SLC25A39: variants seen among roughly 807,000 people sequenced by gnomAD.
SLC25A39 encodes solute carrier family 25 member 39.
Under a neutral mutation model 46.6 loss-of-function variants are expected in SLC25A39, and 44 were observed. That is an observed-to-expected ratio of 0.94 (90% CI 0.74 to 1.21). SLC25A39 has a LOEUF of 1.21. Among genes scored for constraint, SLC25A39 ranks in the 50% most tolerant of loss-of-function variants. The pLI is 0.00. For synonymous variants in SLC25A39, 218 were observed against 190.6 expected (o/e 1.14, Z -1.19); for missense variants, 487 against 473.0 (o/e 1.03, Z -0.28).
intron 9 of SLC25A39, 34 bp from the exon 10 acceptor site, chr17:44,320,470 A>G (rs963708401): frequency 1.2e-6 from 2 of 1,609,990 alleles, no homozygotes; most frequent in African/African-American, 1.3e-5. Context: ...GCTCAGCTCC[A>G]CTTCCTGGAC....
At position 44,320,139 on chromosome 17, in the gene SLC25A39, G is replaced by A. The variant is rs1598338797; in HGVS notation, c.965-23C>T. ...AGCCTGCAGTGGAAAGGAGGCCCGT[G>A]TCAGGGGTCAGGTCGCAGGTCCGCC... On this transcript the variant is annotated intron_variant, in intron 11 of 11. Transcript: ENST00000377095. 4.2e-5 allele frequency: 67 copies of A among 1,613,946 alleles called. 1 individual carries two copies. In the East Asian group the frequency reaches 1.4e-3, roughly 33 times the overall value.
In SLC25A39 at chr17:44,321,085, T is replaced by G; in HGVS notation, c.664A>C (p.Thr222Pro). 1 of 1,608,256 alleles carries G rather than the reference T, an allele frequency of 6.2e-7. No homozygotes were observed. Among genetic ancestry groups the G allele is most frequent in the Non-Finnish European group, 8.5e-7 (1 of 1,178,052 alleles). The change falls in exon 8 of 12, where the codon ACT becomes CCT. Residue 222 changes from threonine to proline, a missense_variant. Coordinates refer to ENST00000377095, the MANE Select transcript of SLC25A39 (RefSeq NM_001143780.3). The stretch of plus-strand genomic sequence containing the variant: ...GAGAAGGGCACATCTCGAAGGGCAG[T>G]GGGGCCCCAGCCCAGCCACAGTGAG... ...WRSLWLGWGP[T>P]ALRDVPFSAL... is the part of the protein sequence containing the mutation.
intron 8 of SLC25A39, 93 bp downstream of exon 8, chr17:44,320,965 T>A: frequency 7.1e-7 from 1 of 1,401,728 alleles, no homozygotes; most frequent in Non-Finnish European, 9.5e-7. Flanking sequence ...AGTAACTTCA[T>A]GGTCACTAGT....
chr17:44,323,780 TAC>T, intron 1 of SLC25A39: 1 of 581,312 alleles, frequency 1.7e-6, no homozygotes, highest in Admixed American at 3.1e-5. Context: ...TAGCTGGGAC[TAC>T]AGGCGCGCAC....
chr17:44,320,956 G>T (rs1476464741), intron 8 of SLC25A39, 102 bp downstream of exon 8: 2 of 1,366,150 alleles, frequency 1.5e-6, no homozygotes, highest in Non-Finnish European at 2.0e-6. Flanking sequence ...GAAAAGCTAA[G>T]TAACTTCATG....
chr17:44,322,806 A>C lies in SLC25A39; in HGVS notation c.190+2T>G. The C allele has an allele frequency of 6.2e-7, 1 of 1,613,962 alleles. No individual in the cohort carries two copies. ...ATGCTCCCTGTGGCTTGGGGCACTC[A>C]CATTTGGTATAGGAGAGGCTCCACA... is the stretch of plus-strand genomic sequence containing the variant. On this transcript the variant is annotated splice_donor_variant, in intron 4 of 11. Transcript: ENST00000377095. LOFTEE classifies it high-confidence loss of function.
At chr17:44,320,141 C>T (rs2047971799) in intron 11 of SLC25A39, 25 bp from the exon 12 acceptor site, 1 of 1,614,004 alleles carries the variant, frequency 6.2e-7, no homozygotes, top group Non-Finnish European at 8.5e-7. Context: ...AGGCCCGTGT[C>T]AGGGGTCAGG....
chr17:44,320,767 G>GTT, intron 8 of SLC25A39, 36 bp from the exon 9 acceptor site: 6 of 1,534,956 alleles, frequency 3.9e-6, no homozygotes, highest in Non-Finnish European at 5.4e-6. Flanking sequence ...GAGACGGGAA[G>GTT]GGCAAGGAAG....
rs371116429 is a variant in SLC25A39, at chr17:44,319,976, C to T, written c.*25G>A. ...GCCCTCTCCCCATCCGTGGGAGAGA[C>T]GGGGTCCTTGCCTCCTTGCCCCTTT... is the stretch of plus-strand genomic sequence containing the variant. On this transcript the variant is annotated 3_prime_UTR_variant, in exon 12 of 12. Transcript: ENST00000377095. 1.7e-5 allele frequency: 27 copies of T among 1,608,490 alleles called. No individual in the cohort carries two copies. Among genetic ancestry groups the T allele is most frequent in the South Asian group, 5.5e-5 (5 of 90,952 alleles).
Position 44,323,287 on chromosome 17 carries a change from T to TG in SLC25A39, c.141dup (p.Ser48GlnfsTer99), listed in dbSNP as rs778710798. On this transcript the variant is annotated frameshift_variant, in exon 3 of 12. Transcript: ENST00000377095. LOFTEE classifies it high-confidence loss of function. ...TAGTTCCAGGTCAGGTACTCACCGC[T>TG]GGCCATGGAGGGCCGCTGAGACTGC... The TG allele has an allele frequency of 1.9e-6, 3 of 1,613,876 alleles. No individual in the cohort carries two copies. Among genetic ancestry groups the TG allele is most frequent in the Non-Finnish European group, 2.5e-6 (3 of 1,179,968 alleles).
Position 44,321,038 on chromosome 17 carries a change from C to A in SLC25A39, c.691+20G>T, listed in dbSNP as rs1175688349. On this transcript the variant is annotated intron_variant, in intron 8 of 11. Transcript: ENST00000377095. ...CACCCCAGGGTTCCCTCACCCACCC[C>A]CTGCAGCTTGGGTGCCTACCTGAGA... 4 of 1,567,348 alleles carry A rather than the reference C, an allele frequency of 2.6e-6. No homozygotes were observed. Among genetic ancestry groups the A allele is most frequent in the Non-Finnish European group, 3.5e-6 (4 of 1,158,788 alleles).
rs746578794 is a variant in SLC25A39 at position 44,321,609 on chromosome 17, T to C, written c.393-51A>G. ...GGGACTCCCAAAAGGACCCAAACTT[T>C]TAAAGCATCACCTGCCCCACCTAGC... On this transcript the variant is annotated intron_variant, in intron 6 of 11. Coordinates refer to ENST00000377095, the MANE Select transcript of SLC25A39 (RefSeq NM_001143780.3). The C allele has an allele frequency of 3.1e-6, 5 of 1,609,974 alleles. No homozygotes were observed. In the East Asian group the frequency reaches 8.9e-5, roughly 29 times the overall value.
In SLC25A39 at chr17:44,323,354, A is replaced by C; in HGVS notation, c.86-11T>G. The C allele has an allele frequency of 6.2e-7, 1 of 1,609,050 alleles. No homozygotes were observed. The highest frequency in any genetic ancestry group is 1.1e-5 in the South Asian group (1 of 90,508). The stretch of plus-strand genomic sequence containing the variant: ...CGTCCAGGGGTGTCACTGGGGGAGG[A>C]AGCGGGTCTGAAGGCTCCTTTCAGG... On this transcript the variant is annotated splice_polypyrimidine_tract_variant and intron_variant, in intron 2 of 11. Coordinates refer to ENST00000377095, the MANE Select transcript of SLC25A39 (RefSeq NM_001143780.3).
chr17:44,323,546 G>A lies in SLC25A39; in HGVS notation c.17C>T (p.Pro6Leu), dbSNP rs779321910. 3 of 1,570,518 alleles carry A rather than the reference G, an allele frequency of 1.9e-6. No homozygotes were observed. Among genetic ancestry groups the A allele is most frequent in the Admixed American group, 1.8e-5 (1 of 54,388 alleles). Residue 6 changes from proline to leucine, a missense_variant, in exon 2 of 12, where the codon CCT becomes CTT. Pro to Leu is a moderately conservative substitution (Grantham distance 98, BLOSUM62 -3). Coordinates refer to ENST00000377095, the MANE Select transcript of SLC25A39 (RefSeq NM_001143780.3). MADQD[P>L]AGISPLQQMV... is the part of the protein sequence containing the mutation. ...TTGCTGGAGGGGGCTGATGCCCGCA[G>A]GGTCCTGGTCAGCCATCTTGAAGCT... is the stretch of plus-strand genomic sequence containing the variant.
chr17:44,322,821 G>A lies in SLC25A39; in HGVS notation c.177C>T (p.Leu59=), dbSNP rs779200449. Residue 59 remains leucine, a synonymous_variant, in exon 4 of 12, where the codon CTC becomes CTT. Coordinates refer to ENST00000377095, the MANE Select transcript of SLC25A39 (RefSeq NM_001143780.3). ...ELMPSSRLWS[L]SYTKLPSSLQ... ...TGGGGCACTCACATTTGGTATAGGA[G>A]AGGCTCCACAGTCTGGAGGAAGGCA... 13 of 1,613,944 alleles carry A rather than the reference G, an allele frequency of 8.1e-6. No individual in the cohort carries two copies. Among genetic ancestry groups the A allele is most frequent in the Non-Finnish European group, 8.5e-6 (10 of 1,179,972 alleles).
chr17:44,321,325 A>C (rs2048025928), intron 7 of SLC25A39, 94 bp from the exon 8 acceptor site: 3 of 1,586,000 alleles, frequency 1.9e-6, no homozygotes, highest in Non-Finnish European at 2.6e-6. Context: ...GGGACCTAGA[A>C]CACCCCCCTA....
chr17:44,320,071 A>T lies in SLC25A39; in HGVS notation c.1010T>A (p.Met337Lys). 6.2e-7 allele frequency: 1 copy of T among 1,614,086 alleles called. No individual in the cohort carries two copies. Among genetic ancestry groups the T allele is most frequent in the South Asian group, 1.1e-5 (1 of 91,078 alleles). ...IIKAAPSCAIMISTYEFGKSF... is the reference protein window; with the variant it reads ...IIKAAPSCAIKISTYEFGKSF... Reference sequence around the variant, plus strand: ...TTTGCCGAACTCATAGGTGCTGATCATGATGGCACAGGAGGGGGCAGCCTT... The same window carrying T: ...TTTGCCGAACTCATAGGTGCTGATCTTGATGGCACAGGAGGGGGCAGCCTT... Residue 337 changes from methionine (M) to lysine (K), a missense_variant, in exon 12 of 12, where the codon ATG (methionine) becomes AAG (lysine). Transcript: ENST00000377095.
At chr17:44,322,123 C>A (rs897223034) in intron 5 of SLC25A39, among the ~76,000 whole-genome samples, 8 of 152,186 alleles carry the variant, frequency 5.3e-5, no homozygotes, top group Non-Finnish European at 1.2e-4. Context: ...GTGGTGCACG[C>A]TTGTAATCCC....
In SLC25A39 at chr17:44,319,945, C is replaced by A; in HGVS notation, c.*56G>T. 1 of 1,563,294 alleles carries A rather than the reference C, an allele frequency of 6.4e-7. No homozygotes were observed. Among genetic ancestry groups the A allele is most frequent in the South Asian group, 1.1e-5 (1 of 89,644 alleles). Reference sequence around the variant, plus strand: ...GAGGAAAAGGCACTTGGCTGGGTCTCCTCCTGCCCTCTCCCCATCCGTGGG... The same window carrying A: ...GAGGAAAAGGCACTTGGCTGGGTCTACTCCTGCCCTCTCCCCATCCGTGGG... On this transcript the variant is annotated 3_prime_UTR_variant, in exon 12 of 12. Transcript: ENST00000377095.
Sources: gnomAD v4.1 joint callset for allele counts (sites outside exome capture counted in the v4.1 genomes callset) on GRCh38, gnomAD v4.1.1 for gene constraint, MANE v1.5 for transcripts, NCBI Gene and HGNC (gene_info 2026-07-23, HGNC 2026-07-21) for gene names.